The following PQBP1 variants were observed in gnomAD, a reference collection of about 807,000 sequenced individuals.
PQBP1 encodes polyglutamine-binding protein 1.
Under a neutral mutation model 20.9 loss-of-function variants are expected in PQBP1, and 3 were observed. That is an observed-to-expected ratio of 0.14 (90% CI 0.07 to 0.37). The LOEUF is 0.37. Among genes scored for constraint, PQBP1 ranks in the 10% least tolerant of loss-of-function variants. The probability of loss-of-function intolerance (pLI) is 1.00; values close to 1 mark genes in which losing one functional copy is unlikely to be tolerated. For synonymous variants in PQBP1, 83 were observed against 93.8 expected (o/e 0.88, Z 0.67); for missense variants, 162 against 240.3 (o/e 0.67, Z 2.16).
chrX:48,898,198 A>G lies in PQBP1; in HGVS notation c.-19+116A>G, dbSNP rs782185770. The stretch of plus-strand genomic sequence containing the variant: ...AGTCATGGGGACGCTGGATGAGCCC[A>G]TTTCTGAAGTGCGGAGGGGCCGGGC... On this transcript the variant is annotated intron_variant, in intron 1 of 6. Coordinates refer to ENST00000447146, the MANE Select transcript of PQBP1 (RefSeq NM_001032382.2). 3.8e-5 allele frequency: 38 copies of G among 1,005,370 alleles called. No homozygotes were observed. The African/African-American group carries it at 5.7e-4, about 15-fold the overall frequency. 82.9% of individuals were successfully genotyped at this position (1,005,370 alleles called of 1,213,427 possible). A position where few individuals can be genotyped will look rare whatever the true frequency, so the allele number is the denominator to read the frequency against.
rs1042278039 is a variant in PQBP1, at chrX:48,901,072, C to T, written c.68-118C>T. 51 of 1,104,479 alleles carry T rather than the reference C, an allele frequency of 4.6e-5. No individual in the cohort carries two copies. In the Middle Eastern group the frequency reaches 7.2e-4, roughly 16 times the overall value. 91.0% of individuals were successfully genotyped at this position (1,104,479 alleles called of 1,213,427 possible). A position where few individuals can be genotyped will look rare whatever the true frequency, so the allele number is the denominator to read the frequency against. On this transcript the variant is annotated intron_variant, in intron 2 of 6. Coordinates refer to ENST00000447146, the MANE Select transcript of PQBP1 (RefSeq NM_001032382.2). ...CTTCATATTCTTCCCGGCACACACA[C>T]ACACGTGTCTTTTATGTGTGGCTTG...
chrX:48,902,708 G>A, intron 5 of PQBP1, 24 bp from the exon 6 acceptor site: 1 of 1,193,666 alleles, frequency 8.4e-7, no homozygotes, highest in South Asian at 1.8e-5. Context: ...CTCTATTGAA[G>A]ACTTTGCCCT....
chrX:48,901,459 C>T (rs2063408935), intron 3 of PQBP1, 158 bp downstream of exon 3: 2 of 1,060,823 alleles, frequency 1.9e-6, no homozygotes, highest in South Asian at 2.0e-5. Flanking sequence ...GGGCCTGGCT[C>T]CTCTGGGGTT....
At position 48,898,583 on chromosome X, in the gene PQBP1, C is replaced by G; in HGVS notation, c.67+7C>G. ...CTCAAACATCTGGAGCCTGGTGAGA[C>G]AGCTAAAAGCAGATGGTCCTAACAC... On this transcript the variant is annotated splice_region_variant and intron_variant, in intron 2 of 6. Transcript: ENST00000447146. 1.1e-5 allele frequency: 13 copies of G among 1,206,260 alleles called. No individual in the cohort carries two copies. Among genetic ancestry groups the G allele is most frequent in the Non-Finnish European group, 1.5e-5 (13 of 891,640 alleles).
chrX:48,898,170 G>T (rs1045092007), intron 1 of PQBP1, 88 bp downstream of exon 1: 2 of 1,017,619 alleles, frequency 2.0e-6, no homozygotes, highest in South Asian at 2.3e-5. Flanking sequence ...TCTCCCACCC[G>T]GCAGTCATGG....
intron 1 of PQBP1, 126 bp from the exon 2 acceptor site, chrX:48,898,366 C>G (rs2063341576): frequency 1.5e-6 from 1 of 666,788 alleles, no homozygotes; most frequent in Non-Finnish European, 2.4e-6. Context: ...TTCTGTCCAC[C>G]CAGCTACTGG....
intron 2 of PQBP1, 128 bp from the exon 3 acceptor site, chrX:48,901,062 G>A (rs2063401457): frequency 8.5e-6 from 9 of 1,064,361 alleles, no homozygotes; most frequent in South Asian, 6.0e-5. Flanking sequence ...TATTCTTCCC[G>A]GCACACACAC....
chrX:48,902,133 G>T, intron 4 of PQBP1, 91 bp downstream of exon 4: 4 of 1,208,054 alleles, frequency 3.3e-6, no homozygotes, highest in Non-Finnish European at 2.2e-6. Context: ...AGGGGCAGGT[G>T]AGACCAGGCG....
chrX:48,898,178 T>G, intron 1 of PQBP1, 96 bp downstream of exon 1: 1 of 1,018,011 alleles, frequency 9.8e-7, no homozygotes, highest in Non-Finnish European at 1.3e-6. Flanking sequence ...CCGGCAGTCA[T>G]GGGGACGCTG....
Position 48,901,722 on chromosome X carries a change from G to A in PQBP1, c.180-208G>A, listed in dbSNP as rs898165569. On this transcript the variant is annotated intron_variant, in intron 3 of 6. Transcript: ENST00000447146. ...CCGAACTCCTGACCTCAGGTGATCC[G>A]CCTGCCTCGGCCTCCCAAAGTGCTG... 3.0e-4 allele frequency: 191 copies of A among 645,108 alleles called. 3 individuals carry two copies. In the Middle Eastern group the frequency reaches 3.1e-3, roughly 11 times the overall value. The allele number at this position is 645,108 out of a possible 1,213,427, so 53.2% of individuals were successfully genotyped here. A position where few individuals can be genotyped will look rare whatever the true frequency, so the allele number is the denominator to read the frequency against.
At position 48,902,455 on chromosome X, in the gene PQBP1, A is replaced by G. The variant is rs782351190; in HGVS notation, c.515A>G (p.Glu172Gly). The G allele has an allele frequency of 8.3e-7, 1 of 1,208,353 alleles. No homozygotes were observed. Among genetic ancestry groups the G allele is most frequent in the Non-Finnish European group, 1.1e-6 (1 of 894,190 alleles). ...GGGTATGACAAGGCAGACCGGGAAG[A>G]GGGCAAAGAACGGCGCCACCATCGC... Reference protein sequence around the residue: ...DRGYDKADREEGKERRHHRRE... With the variant: ...DRGYDKADREGGKERRHHRRE... Residue 172 changes from glutamate to glycine, a missense_variant, in exon 5 of 7, where the codon GAG (glutamate) becomes GGG (glycine). Coordinates refer to ENST00000447146, the MANE Select transcript of PQBP1 (RefSeq NM_001032382.2).
chrX:48,898,518 G>A lies in PQBP1; in HGVS notation c.9G>A (p.Leu3=), dbSNP rs1557040226. ...TCTGTCTGCTATCAGCTATGCCGCT[G>A]CCCGTTGCGCTGCAGACCCGCTTGG... MP[L]PVALQTRLAK... The change falls in exon 2 of 7, where the codon CTG becomes CTA. Residue 3 remains leucine, a synonymous_variant. Transcript: ENST00000447146. 1.7e-6 allele frequency: 2 copies of A among 1,210,941 alleles called. No individual in the cohort carries two copies. The highest frequency in any genetic ancestry group is 2.2e-5 in the Admixed American group (1 of 45,937).
chrX:48,901,458 T>C, intron 3 of PQBP1, 157 bp downstream of exon 3: 1 of 1,060,072 alleles, frequency 9.4e-7, no homozygotes, highest in South Asian at 2.0e-5. Context: ...GGGGCCTGGC[T>C]CCTCTGGGGT....
chrX:48,901,141 G>C (rs781939830), intron 2 of PQBP1, 49 bp from the exon 3 acceptor site: 34 of 1,180,470 alleles, frequency 2.9e-5, no homozygotes, highest in Non-Finnish European at 3.5e-5. Context: ...TGTAGGATGA[G>C]GTCCCCTGGT....
At chrX:48,898,785 CTTTTTTTTTTTTTTTTT>C (rs34214032) in intron 2 of PQBP1, among the ~76,000 whole-genome samples, 105 of 21,476 alleles carry the variant, frequency 4.9e-3, no homozygotes, top group Admixed American at 0.012. Flanking sequence ...ATATTTCATT[CTTTTTTTTTTTTTTTTT>C]TTTTTTTTTT....
intron 5 of PQBP1, 39 bp downstream of exon 5, chrX:48,902,556 G>A (rs1261631978): frequency 8.4e-7 from 1 of 1,189,983 alleles, no homozygotes; most frequent in Non-Finnish European, 1.1e-6. Flanking sequence ...GACCAACAAG[G>A]TGCAGGGTGC....
rs782571800 is a variant in PQBP1 at position 48,898,492 on chromosome X, G to A, written c.-18G>A. 8.3e-6 allele frequency: 10 copies of A among 1,207,038 alleles called. No homozygotes were observed. The highest frequency in any genetic ancestry group is 1.1e-5 in the Non-Finnish European group (10 of 892,947). On this transcript the variant is annotated splice_region_variant and 5_prime_UTR_variant, in exon 2 of 7. Transcript: ENST00000447146. ...TGTCAGTTTGTTCGTCTGTCCCTAG[G>A]TCTGTCTGCTATCAGCTATGCCGCT...
chrX:48,902,752 G>A lies in PQBP1; in HGVS notation c.598G>A (p.Glu200Lys). Residue 200 changes from glutamate to lysine, a missense_variant, in exon 6 of 7, where the codon GAG becomes AAG. Coordinates refer to ENST00000447146, the MANE Select transcript of PQBP1 (RefSeq NM_001032382.2). ...CACAGCAGTAAGCCGAAAGGATGAA[G>A]AGTTAGACCCCATGGACCCTAGCTC... The part of the protein sequence containing the change: ...SKKAVSRKDE[E>K]LDPMDPSSYS... 1 of 1,204,406 alleles carries A rather than the reference G, an allele frequency of 8.3e-7. No homozygotes were observed. Among genetic ancestry groups the A allele is most frequent in the Admixed American group, 2.2e-5 (1 of 45,276 alleles).
At chrX:48,902,092 G>A (rs781914545) in intron 4 of PQBP1, 50 bp downstream of exon 4, 5 of 1,208,344 alleles carry the variant, frequency 4.1e-6, no homozygotes, top group South Asian at 3.5e-5. Context: ...CAGTTCTCAC[G>A]GAGAGGCCAA....
Sources: allele counts gnomAD v4.1 joint callset (sites outside exome capture counted in the v4.1 genomes callset), GRCh38; gene constraint gnomAD v4.1.1; transcripts MANE v1.5; gene names NCBI Gene and HGNC (gene_info 2026-07-23, HGNC 2026-07-21).